LIG1: variants seen among roughly 807,000 people sequenced by gnomAD.
LIG1 encodes the protein DNA ligase 1.
In LIG1, 70 loss-of-function variants were observed where a neutral mutation model predicts 115.7. The ratio of observed to expected loss-of-function variants is 0.60; its 90% CI spans 0.50 to 0.74. LIG1 has a LOEUF of 0.74. Among genes scored for constraint, LIG1 ranks in the 30% least tolerant of loss-of-function variants. LIG1 has a pLI of 0.00. For synonymous variants in LIG1, 487 were observed against 495.3 expected, an observed-to-expected ratio of 0.98 and a Z score of 0.22; for missense variants, 1,115 against 1,225.6, an observed-to-expected ratio of 0.91 and a Z score of 1.35.
chr19:48,151,580 C>T (rs2122861276), intron 6 of LIG1, among the ~76,000 whole-genome samples: 1 of 152,212 alleles, frequency 6.6e-6, no homozygotes, highest in South Asian at 2.1e-4. Flanking sequence ...CAGGCGCCCA[C>T]CACCACATCC....
At chr19:48,116,086 A>T (rs763906304) in intron 26 of LIG1, 121 bp from the exon 27 acceptor site, 209 of 752,668 alleles carry the variant, frequency 2.8e-4, no homozygotes, top group Non-Finnish European at 4.1e-4. Flanking sequence ...ATGGGTTGTC[A>T]TAAGGATTAA....
At chr19:48,152,384 A>G (rs948146877) in intron 6 of LIG1, among the ~76,000 whole-genome samples, 3 of 152,174 alleles carry the variant, frequency 2.0e-5, no homozygotes, top group African/African-American at 7.2e-5. Flanking sequence ...CGGCCTCCCA[A>G]ACTGCTGGGA....
rs565845481 is a variant in LIG1 at position 48,157,146 on chromosome 19, A to C, written c.244-6T>G. The C allele has an allele frequency of 1.9e-6, 3 of 1,608,988 alleles. No homozygotes were observed. On this transcript the variant is annotated splice_polypyrimidine_tract_variant and splice_region_variant and intron_variant, in intron 4 of 27. Coordinates refer to ENST00000263274, the MANE Select transcript of LIG1 (RefSeq NM_000234.3). ...GAGCAGTCCAGGGCAGGCTTCTGGA[A>C]GAGGAAAGAACAGTTCTAGAGTGAG...
chr19:48,159,788 G>T (rs2036066394), intron 4 of LIG1, among the ~76,000 whole-genome samples: 1 of 152,062 alleles, frequency 6.6e-6, no homozygotes, highest in Non-Finnish European at 1.5e-5. Context: ...CACGATCTTG[G>T]CTCACTGCAA....
chr19:48,150,312 G>T lies in LIG1; in HGVS notation c.575-102C>A, dbSNP rs1204265214. 4 of 1,533,126 alleles carry T rather than the reference G, an allele frequency of 2.6e-6. No homozygotes were observed. In the East Asian group the frequency reaches 6.7e-5, roughly 26 times the overall value. 95.0% of individuals were successfully genotyped at this position (1,533,126 alleles called of 1,614,324 possible). ...GATCATTCTGACCCTGCAGATGGAAGATATAACTACACCTACCCTTTTCCT... is the reference window on the plus strand; with the variant it reads ...GATCATTCTGACCCTGCAGATGGAATATATAACTACACCTACCCTTTTCCT... On this transcript the variant is annotated intron_variant, in intron 7 of 27. Transcript: ENST00000263274.
At chr19:48,123,891 C>T (rs1056719131) in intron 21 of LIG1, among the ~76,000 whole-genome samples, 25 of 151,896 alleles carry the variant, frequency 1.6e-4, no homozygotes, top group Middle Eastern at 3.5e-3. Flanking sequence ...CCTTAGAATT[C>T]CAAAAGTTTT....
rs1241837069 is a variant in LIG1, at chr19:48,143,582, A to G, written c.875T>C (p.Val292Ala). 6.2e-7 allele frequency: 1 copy of G among 1,603,596 alleles called. No individual in the cohort carries two copies. The highest frequency in any genetic ancestry group is 1.1e-5 in the South Asian group (1 of 90,888). The change falls in exon 11 of 28, where the codon GTG becomes GCG. Residue 292 changes from valine (V) to alanine (A), a missense_variant. By Grantham distance (64) the Val-to-Ala change is moderately conservative. Coordinates refer to ENST00000263274, the MANE Select transcript of LIG1 (RefSeq NM_000234.3). Reference protein sequence around the residue: ...KPGQKVPYLAVARTFEKIEEV... With the variant: ...KPGQKVPYLAAARTFEKIEEV... ...CTCGATCTTCTCAAACGTCCGGGCC[A>G]CAGCCAGGTAAGGAACCCTAGGGAA...
chr19:48,161,528 G>A, intron 3 of LIG1, 21 bp from the exon 4 acceptor site: 2 of 1,613,562 alleles, frequency 1.2e-6, no homozygotes, highest in Non-Finnish European at 1.7e-6. Context: ...GGGAAATGGG[G>A]GTGTAAAGGG....
At chr19:48,165,711 A>AAG (rs908956092) in intron 1 of LIG1, 88 bp from the exon 2 acceptor site, 1 of 985,586 alleles carries the variant, frequency 1.0e-6, no homozygotes, top group Non-Finnish European at 1.6e-6. Context: ...GAAAGAAAGA[A>AAG]AAAAAAAAAC....
intron 16 of LIG1, 114 bp from the exon 17 acceptor site, chr19:48,134,180 G>A (rs2034229975): frequency 2.3e-6 from 2 of 876,104 alleles, no homozygotes; most frequent in African/African-American, 1.7e-5. Flanking sequence ...TCTGCCCACT[G>A]AGTCACCACC....
chr19:48,153,773 C>CACACACACAAAT, intron 6 of LIG1, 99 bp downstream of exon 6: 1 of 339,304 alleles, frequency 2.9e-6, no homozygotes, highest in Non-Finnish European at 5.2e-6. Flanking sequence ...CACACACACA[C>CACACACACAAAT]CTCTCCTTCT....
In LIG1 at chr19:48,115,562, A is replaced by G; in HGVS notation, c.*87T>C. 1 of 992,004 alleles carries G rather than the reference A, an allele frequency of 1.0e-6. No individual in the cohort carries two copies. The highest frequency in any genetic ancestry group is 2.5e-5 in the East Asian group (1 of 40,230). The allele number at this position is 992,004 out of a possible 1,614,324, so 61.5% of individuals were successfully genotyped here. ...ACTCTCAAAATCCACAGCCTGCCACAGCAGATTTGCTAAAAAGCAAAGGCA... is the reference window on the plus strand; with the variant it reads ...ACTCTCAAAATCCACAGCCTGCCACGGCAGATTTGCTAAAAAGCAAAGGCA... On this transcript the variant is annotated 3_prime_UTR_variant, in exon 28 of 28. Transcript: ENST00000263274.
rs748294496 is a variant in LIG1, at chr19:48,127,365, C to T, written c.1933-17G>A. ...ATCCACCTCCTGGGTTGGGGCACAA[C>T]GGAGTTCGTGAGTGCAGGAAGGTGA... On this transcript the variant is annotated splice_polypyrimidine_tract_variant and intron_variant, in intron 20 of 27. Coordinates refer to ENST00000263274, the MANE Select transcript of LIG1 (RefSeq NM_000234.3). The T allele has an allele frequency of 1.3e-5, 21 of 1,610,604 alleles. No homozygotes were observed. The highest frequency in any genetic ancestry group is 1.6e-5 in the Non-Finnish European group (19 of 1,179,426).
At chr19:48,141,351 C>T (rs1165442591) in intron 11 of LIG1, among the ~76,000 whole-genome samples, 1 of 152,070 alleles carries the variant, frequency 6.6e-6, no homozygotes, top group East Asian at 1.9e-4. Context: ...AGGCTGGTCT[C>T]GAACTCCTGA....
intron 1 of LIG1, among the ~76,000 whole-genome samples, chr19:48,168,885 G>A (rs4801750): frequency 0.53 from 81,005 of 151,902 alleles, 21,808 homozygotes; most frequent in East Asian, 0.67. Flanking sequence ...ACTGAAAACC[G>A]CTGACTTGTA....
intron 12 of LIG1, among the ~76,000 whole-genome samples, chr19:48,138,054 C>T (rs1180224890): frequency 1.3e-5 from 2 of 152,100 alleles, no homozygotes; most frequent in Admixed American, 6.6e-5. Context: ...GCCAAGGGAC[C>T]CTTTCCTCTG....
At chr19:48,152,130 CT>C (rs537959699) in intron 6 of LIG1, among the ~76,000 whole-genome samples, 4 of 149,158 alleles carry the variant, frequency 2.7e-5, no homozygotes, top group Non-Finnish European at 3.0e-5. Flanking sequence ...GAAATCAAAT[CT>C]TTTTTTTTTG....
At chr19:48,120,815 CA>C (rs1036020999) in intron 24 of LIG1, 1,191 of 573,028 alleles carry the variant, frequency 2.1e-3, no homozygotes, top group Middle Eastern at 4.5e-3. Flanking sequence ...AATGTGGGGA[CA>C]AAAAAAAATG....
At chr19:48,117,851 C>T in intron 25 of LIG1, 70 bp from the exon 26 acceptor site, 1 of 1,561,998 alleles carries the variant, frequency 6.4e-7, no homozygotes, top group South Asian at 1.1e-5. Flanking sequence ...TGTTGGAGGG[C>T]TGGGGAGAGG....
Sources: gnomAD v4.1 joint callset for allele counts (sites outside exome capture counted in the v4.1 genomes callset) on GRCh38, gnomAD v4.1.1 for gene constraint, MANE v1.5 for transcripts, NCBI Gene and HGNC (gene_info 2026-07-23, HGNC 2026-07-21) for gene names.